NRG3: variants seen among roughly 807,000 people sequenced by gnomAD.
The protein encoded by NRG3 is pro-neuregulin-3, membrane-bound isoform.
In NRG3, 31 loss-of-function variants were observed where a neutral mutation model predicts 66.9. That is an observed-to-expected ratio of 0.46 (90% confidence interval 0.35 to 0.63). The LOEUF (loss-of-function observed/expected upper bound fraction) is 0.63. NRG3 is among the 20% of genes least tolerant of loss of function. The pLI is 0.00. For synonymous variants in NRG3, 393 were observed against 359.4 expected, an observed-to-expected ratio of 1.09 and a Z score of -1.06; for missense variants, 910 against 878.9, an observed-to-expected ratio of 1.04 and a Z score of -0.45.
chr10:81,898,761 A>G (rs529578922), intron 1 of NRG3, among the ~76,000 whole-genome samples: 20 of 151,962 alleles, frequency 1.3e-4, no homozygotes, highest in African/African-American at 4.3e-4. Context: ...GCTGACATGC[A>G]TTTTCTACTG....
intron 2 of NRG3, among the ~76,000 whole-genome samples, chr10:82,716,749 G>C (rs2056996824): frequency 6.6e-6 from 1 of 152,112 alleles, no homozygotes; most frequent in African/African-American, 2.4e-5. Flanking sequence ...AACATCATAG[G>C]AAGCAAATTA....
rs115688033 is a variant in NRG3 at position 81,981,050 on chromosome 10, T to G, written c.823+104887T>G. ...TGAAGGGAGCATAAATCCGTAACGT[T>G]TGACTTTTGGATCTCCAAAATCCCT... On this transcript the variant is annotated intron_variant, in intron 1 of 8. Transcript: ENST00000372141. Among the ~76,000 whole-genome samples, 836 of 152,332 alleles carry G rather than the reference T, an allele frequency of 5.5e-3. 3 individuals are homozygous for G. The highest frequency in any genetic ancestry group is 0.019 in the African/African-American group (778 of 41,580).
chr10:82,020,404 G>A (rs923420086), intron 1 of NRG3, among the ~76,000 whole-genome samples: 2 of 152,034 alleles, frequency 1.3e-5, no homozygotes, highest in South Asian at 2.1e-4. Context: ...AACTGTCCTA[G>A]GTTCCGGAAA....
intron 1 of NRG3, among the ~76,000 whole-genome samples, chr10:82,040,313 A>G (rs1284167352): frequency 6.6e-6 from 1 of 152,076 alleles, no homozygotes; most frequent in South Asian, 2.1e-4. Context: ...TGTATAGTAT[A>G]CACAAATATA....
At chr10:82,595,827 G>A (rs1247614064) in intron 2 of NRG3, among the ~76,000 whole-genome samples, 1 of 151,964 alleles carries the variant, frequency 6.6e-6, no homozygotes, top group African/African-American at 2.4e-5. Flanking sequence ...TATTCGTTCA[G>A]CTTGAATTCT....
intron 1 of NRG3, among the ~76,000 whole-genome samples, chr10:82,302,531 G>T (rs1298743572): frequency 1.3e-5 from 2 of 152,042 alleles, no homozygotes; most frequent in Non-Finnish European, 2.9e-5. Flanking sequence ...GGAGGTAATT[G>T]TTAGTAGGTT....
At chr10:82,723,871 T>C (rs2134547681) in intron 2 of NRG3, among the ~76,000 whole-genome samples, 1 of 151,990 alleles carries the variant, frequency 6.6e-6, no homozygotes, top group South Asian at 2.1e-4. Context: ...TCCCAGCTAC[T>C]TGGGAGGTTG....
chr10:82,248,504 C>G lies in NRG3; in HGVS notation c.824-110235C>G, dbSNP rs376314707. On this transcript the variant is annotated intron_variant, in intron 1 of 8. Coordinates refer to ENST00000372141, the MANE Select transcript of NRG3 (RefSeq NM_001010848.4). ...GGTCCATGACCTCTCCCTGCCCTTCCATGCTGGGTGACCATCTGCATGTAA... is the reference window on the plus strand; with the variant it reads ...GGTCCATGACCTCTCCCTGCCCTTCGATGCTGGGTGACCATCTGCATGTAA... Among the ~76,000 whole-genome samples, 24 of 152,282 alleles carry G rather than the reference C, an allele frequency of 1.6e-4. No individual in the cohort carries two copies. The East Asian group carries it at 4.1e-3, about 26-fold the overall frequency.
At chr10:81,947,361 T>C (rs999349183) in intron 1 of NRG3, among the ~76,000 whole-genome samples, 1 of 152,098 alleles carries the variant, frequency 6.6e-6, no homozygotes, top group Non-Finnish European at 1.5e-5. Flanking sequence ...GGTACTAGGG[T>C]CAAGACTTCA....
chr10:82,491,289 A>G (rs371116341), intron 2 of NRG3, among the ~76,000 whole-genome samples: 28 of 37,614 alleles, frequency 7.4e-4, no homozygotes, highest in African/African-American at 1.5e-3. Flanking sequence ...TGCTGTTCCC[A>G]TAAAATATAT....
chr10:82,638,600 G>C (rs1379447824), intron 2 of NRG3, among the ~76,000 whole-genome samples: 1 of 151,958 alleles, frequency 6.6e-6, no homozygotes, highest in Non-Finnish European at 1.5e-5. Flanking sequence ...CCAGAAACCT[G>C]AGATCTAAGC....
At chr10:82,475,445 C>T (rs1816284324) in intron 2 of NRG3, among the ~76,000 whole-genome samples, 1 of 152,024 alleles carries the variant, frequency 6.6e-6, no homozygotes, top group African/African-American at 2.4e-5. Flanking sequence ...TTATCCAAGA[C>T]ATTGCATCAG....
chr10:82,283,964 C>T (rs2079264965), intron 1 of NRG3, among the ~76,000 whole-genome samples: 2 of 152,096 alleles, frequency 1.3e-5, no homozygotes, highest in South Asian at 2.1e-4. Context: ...TCGTAGTTTG[C>T]TAAGGAGGAA....
At chr10:82,350,311 A>G (rs1482905196) in intron 1 of NRG3, among the ~76,000 whole-genome samples, 2 of 152,214 alleles carry the variant, frequency 1.3e-5, no homozygotes, top group African/African-American at 4.8e-5. Flanking sequence ...CCATTATGAT[A>G]CTTATTCACA....
chr10:82,452,804 G>C (rs2091079304), intron 2 of NRG3, among the ~76,000 whole-genome samples: 1 of 152,058 alleles, frequency 6.6e-6, no homozygotes, highest in African/African-American at 2.4e-5. Flanking sequence ...TAACTGTCAA[G>C]TCTCCCTGAG....
intron 3 of NRG3, among the ~76,000 whole-genome samples, chr10:82,784,351 GA>G (rs2060252086): frequency 6.7e-6 from 1 of 150,262 alleles, no homozygotes; most frequent in Non-Finnish European, 1.5e-5. Context: ...AGCCAAAATT[GA>G]CAAATGGGAT....
At chr10:82,645,728 G>T (rs1322138008) in intron 2 of NRG3, among the ~76,000 whole-genome samples, 1 of 152,170 alleles carries the variant, frequency 6.6e-6, no homozygotes, top group African/African-American at 2.4e-5. Flanking sequence ...TCTGCAGTAA[G>T]AGACTTGCAG....
chr10:82,457,099 A>G (rs2091300193), intron 2 of NRG3, among the ~76,000 whole-genome samples: 1 of 152,156 alleles, frequency 6.6e-6, no homozygotes, highest in Admixed American at 6.5e-5. Context: ...AAAAACTTCC[A>G]TGCATCTGTG....
intron 2 of NRG3, among the ~76,000 whole-genome samples, chr10:82,547,389 A>G (rs1034089439): frequency 1.3e-5 from 2 of 151,210 alleles, no homozygotes; most frequent in Non-Finnish European, 3.0e-5. Flanking sequence ...ATGTATGTAT[A>G]TATGTATATA....
Sources: gnomAD v4.1 joint callset for allele counts (sites outside exome capture counted in the v4.1 genomes callset) on GRCh38, gnomAD v4.1.1 for gene constraint, MANE v1.5 for transcripts, NCBI Gene and HGNC (gene_info 2026-07-23, HGNC 2026-07-21) for gene names.